YEATS2: variants seen among roughly 807,000 people sequenced by gnomAD.
YEATS2 encodes YEATS domain-containing protein 2.
Under a neutral mutation model 163.2 loss-of-function variants are expected in YEATS2, and 77 were observed. That is an observed-to-expected ratio of 0.47 (90% CI 0.39 to 0.57). The LOEUF (loss-of-function observed/expected upper bound fraction) is 0.57, where lower values mean the gene tolerates loss of function less well. Among genes scored for constraint, YEATS2 ranks in the 20% least tolerant of loss-of-function variants. YEATS2 has a pLI of 0.00. For missense variants in YEATS2, 1,549 were observed against 1,729.8 expected, an observed-to-expected ratio of 0.90 and a Z score of 1.85; for synonymous variants, 631 against 645.1, an observed-to-expected ratio of 0.98 and a Z score of 0.33.
chr3:183,741,294 G>A (rs570568535), intron 8 of YEATS2, among the ~76,000 whole-genome samples: 1 of 151,952 alleles, frequency 6.6e-6, no homozygotes, highest in African/African-American at 2.4e-5. Flanking sequence ...GTAAATCCTA[G>A]GGCCCTTAAT....
intron 12 of YEATS2, among the ~76,000 whole-genome samples, chr3:183,756,993 TG>T (rs1720840570): frequency 6.6e-6 from 1 of 152,206 alleles, no homozygotes; most frequent in Admixed American, 6.5e-5. Flanking sequence ...TTTGGGGGAC[TG>T]TAAGCAATGT....
At chr3:183,808,528 T>C (rs1262219109) in intron 29 of YEATS2, among the ~76,000 whole-genome samples, 1 of 152,180 alleles carries the variant, frequency 6.6e-6, no homozygotes, top group Non-Finnish European at 1.5e-5. Context: ...TCTCCAAGAA[T>C]AGGGATACCT....
chr3:183,804,371 G>A (rs974592720), intron 27 of YEATS2, among the ~76,000 whole-genome samples, 183 bp downstream of exon 27: 1 of 152,194 alleles, frequency 6.6e-6, no homozygotes, highest in African/African-American at 2.4e-5. Context: ...CTCAAGTGTT[G>A]TGCCCCAGCC....
At chr3:183,801,398 A>G (rs1725650183) in intron 24 of YEATS2, 57 bp from the exon 25 acceptor site, 3 of 1,300,796 alleles carry the variant, frequency 2.3e-6, no homozygotes, top group African/African-American at 1.5e-5. Context: ...ATATATGGCT[A>G]TAGAAACTGC....
At chr3:183,759,499 C>G (rs1721122285) in intron 13 of YEATS2, among the ~76,000 whole-genome samples, 3 of 152,190 alleles carry the variant, frequency 2.0e-5, no homozygotes, top group Admixed American at 6.5e-5. Flanking sequence ...TCTCTCGCAA[C>G]AGAGAGCTGC....
intron 1 of YEATS2, among the ~76,000 whole-genome samples, chr3:183,704,099 C>T (rs189175559): frequency 2.1e-4 from 32 of 150,534 alleles, no homozygotes; most frequent in South Asian, 4.2e-4. Context: ...TGCAGTGAGC[C>T]GATATTGCGC....
At chr3:183,753,174 C>G (rs1175566497) in intron 10 of YEATS2, among the ~76,000 whole-genome samples, 2 of 151,994 alleles carry the variant, frequency 1.3e-5, no homozygotes, top group Non-Finnish European at 2.9e-5. Context: ...TCTGATTGTG[C>G]GAGCAAGAAA....
chr3:183,718,309 CT>C (rs1160998614), intron 3 of YEATS2, among the ~76,000 whole-genome samples, 190 bp from the exon 4 acceptor site: 1 of 152,146 alleles, frequency 6.6e-6, no homozygotes, highest in Admixed American at 6.5e-5. Flanking sequence ...CATTGCAACA[CT>C]TTTGTCTTTC....
At chr3:183,725,648 G>A (rs995049944) in intron 6 of YEATS2, among the ~76,000 whole-genome samples, 1 of 152,176 alleles carries the variant, frequency 6.6e-6, no homozygotes, top group African/African-American at 2.4e-5. Flanking sequence ...GAACAGCATG[G>A]GAAAGACTCA....
In YEATS2 at chr3:183,756,599, C is replaced by G; in HGVS notation, c.1462C>G (p.Gln488Glu). ...GACTTCCACTCCAGTCCACGTGAAG[C>G]AAGGCACTGCCGGCTCTGTTATTAA... Reference protein sequence around the residue: ...TPTSTPVHVKQGTAGSVINNP... With the variant: ...TPTSTPVHVKEGTAGSVINNP... The change falls in exon 12 of 31, where the codon CAA becomes GAA. Residue 488 changes from glutamine (Q) to glutamate (E), a missense_variant. Coordinates refer to ENST00000305135, the MANE Select transcript of YEATS2 (RefSeq NM_018023.5). The G allele has an allele frequency of 6.2e-7, 1 of 1,607,414 alleles. No homozygotes were observed. Among genetic ancestry groups the G allele is most frequent in the Non-Finnish European group, 8.5e-7 (1 of 1,176,986 alleles).
At position 183,810,643 on chromosome 3, in the gene YEATS2, A is replaced by T. The variant is rs1726717824; in HGVS notation, c.*60A>T. The T allele has an allele frequency of 6.6e-7, 1 of 1,507,290 alleles. No individual in the cohort carries two copies. The highest frequency in any genetic ancestry group is 9.2e-7 in the Non-Finnish European group (1 of 1,090,030). 93.4% of individuals were successfully genotyped at this position (1,507,290 alleles called of 1,614,324 possible). ...AGGCACAGCGAAGCTGTAACTGAGG[A>T]CCCTGCTGCTCGGGAAGGAGGTGGT... is the stretch of plus-strand genomic sequence containing the variant. On this transcript the variant is annotated 3_prime_UTR_variant, in exon 31 of 31. Coordinates refer to ENST00000305135, the MANE Select transcript of YEATS2 (RefSeq NM_018023.5).
chr3:183,723,604 C>CT (rs907431967), intron 5 of YEATS2, among the ~76,000 whole-genome samples: 4 of 152,044 alleles, frequency 2.6e-5, no homozygotes, highest in Admixed American at 6.6e-5. Context: ...ATGTGTTTTT[C>CT]TTTTTTTTAG....
At chr3:183,713,966 A>C (rs1454141843) in intron 1 of YEATS2, among the ~76,000 whole-genome samples, 1 of 151,180 alleles carries the variant, frequency 6.6e-6, no homozygotes, top group East Asian at 2.0e-4. Context: ...CATTATGCCC[A>C]GCTAATTTTT....
chr3:183,756,729 G>T, intron 12 of YEATS2, 40 bp downstream of exon 12: 2 of 1,339,168 alleles, frequency 1.5e-6, no homozygotes, highest in South Asian at 2.6e-5. Context: ...TAAAGGGTTT[G>T]ATCTTTATTA....
intron 15 of YEATS2, among the ~76,000 whole-genome samples, chr3:183,769,051 T>G (rs1336506354): frequency 1.3e-5 from 2 of 152,192 alleles, no homozygotes; most frequent in African/African-American, 4.8e-5. Flanking sequence ...CGGGGGTGAT[T>G]TCTTGTCTTC....
rs752852919 is a variant in YEATS2 at position 183,776,006 on chromosome 3, C to T, written c.2460C>T (p.Gly820=). 49 of 1,609,032 alleles carry T rather than the reference C, an allele frequency of 3.0e-5. No individual in the cohort carries two copies. Among genetic ancestry groups the T allele is most frequent in the Middle Eastern group, 1.7e-4 (1 of 5,866 alleles). ...GGGGGSGSGG[G]GSTGGGGGTA... is the part of the protein sequence containing the mutation. ...GAGGCGGCAGTGGCAGCGGTGGAGG[C>T]GGCAGCACAGGAGGAGGAGGAGGAA... Residue 820 remains glycine (G), a synonymous_variant, in exon 18 of 31, where the codon GGC becomes GGT. Coordinates refer to ENST00000305135, the MANE Select transcript of YEATS2 (RefSeq NM_018023.5).
intron 19 of YEATS2, among the ~76,000 whole-genome samples, chr3:183,779,312 T>G (rs1049133269): frequency 1.3e-5 from 2 of 152,244 alleles, no homozygotes; most frequent in African/African-American, 2.4e-5. Context: ...CAGCATTTGG[T>G]GTCCTCTTTT....
rs1335723204 is a variant in YEATS2, at chr3:183,768,428, C to A, written c.1948-3877C>A. On this transcript the variant is annotated intron_variant, in intron 15 of 30. Coordinates refer to ENST00000305135, the MANE Select transcript of YEATS2 (RefSeq NM_018023.5). ...GTTGTGATTCCATGTGGCCATTGCC[C>A]CAGCTGAAAACTGGGGGCTCTGTTA... 4.6e-5 allele frequency among the ~76,000 whole-genome samples: 7 copies of A among 152,156 alleles called. No individual in the cohort carries two copies. In the East Asian group the frequency reaches 1.4e-3, roughly 29 times the overall value.
intron 7 of YEATS2, among the ~76,000 whole-genome samples, chr3:183,732,913 A>G (rs1410359873): frequency 2.0e-5 from 3 of 151,282 alleles, no homozygotes; most frequent in African/African-American, 7.3e-5. Context: ...CAGGTGGGAG[A>G]AGAGTGCCAT....
Sources: allele counts gnomAD v4.1 joint callset (sites outside exome capture counted in the v4.1 genomes callset), GRCh38; gene constraint gnomAD v4.1.1; transcripts MANE v1.5; gene names NCBI Gene and HGNC (gene_info 2026-07-23, HGNC 2026-07-21).